DHRSX: variants seen among roughly 807,000 people sequenced by gnomAD.
DHRSX encodes dehydrogenase/reductase X-linked.
Under a neutral mutation model 34.0 loss-of-function variants are expected in DHRSX, and 31 were observed. The observed-to-expected ratio is 0.91, with a 90% CI of 0.69 to 1.23. The LOEUF (loss-of-function observed/expected upper bound fraction) is 1.23. Among genes scored for constraint, DHRSX ranks in the 50% most tolerant of loss-of-function variants. The pLI, the probability that DHRSX is intolerant of heterozygous loss-of-function variation, is 0.00. For synonymous variants in DHRSX, 201 were observed against 183.8 expected, an observed-to-expected ratio of 1.09 and a Z score of -0.76; for missense variants, 414 against 428.1, an observed-to-expected ratio of 0.97 and a Z score of 0.29.
chrX:2,387,734 C>T (rs2043287672), intron 3 of DHRSX, among the ~76,000 whole-genome samples: 1 of 151,790 alleles, frequency 6.6e-6, no homozygotes, highest in African/African-American at 2.4e-5. Flanking sequence ...CAAGTTTACT[C>T]TAAGTATTAA....
intron 4 of DHRSX, among the ~76,000 whole-genome samples, chrX:2,283,830 A>G (rs916858697): frequency 4.6e-5 from 7 of 152,176 alleles, no homozygotes; most frequent in African/African-American, 1.7e-4. Flanking sequence ...GAATTCATTC[A>G]TTCACTTGAA....
chrX:2,490,142 C>A (rs766125925), intron 1 of DHRSX: 7 of 1,613,846 alleles, frequency 4.3e-6, no homozygotes, highest in Non-Finnish European at 5.9e-6. Context: ...GATGCCACAC[C>A]AGGTGGCCTC....
chrX:2,479,084 G>A (rs1343305932), intron 1 of DHRSX, among the ~76,000 whole-genome samples: 2 of 152,080 alleles, frequency 1.3e-5, no homozygotes, highest in East Asian at 1.9e-4. Flanking sequence ...TGTTCCCTAA[G>A]CTTGTGGCTA....
chrX:2,304,269 G>A (rs750476809), intron 3 of DHRSX, among the ~76,000 whole-genome samples: 2 of 81,840 alleles, frequency 2.4e-5, no homozygotes, highest in Non-Finnish European at 4.5e-5. Flanking sequence ...GGGTGGGTGG[G>A]TGGATGGATG....
intron 4 of DHRSX, among the ~76,000 whole-genome samples, chrX:2,289,778 A>G (rs2041845486): frequency 6.6e-6 from 1 of 152,196 alleles, no homozygotes; most frequent in African/African-American, 2.4e-5. Flanking sequence ...GAAGATTCCA[A>G]ATGGCTGCTG....
Position 2,362,386 on chromosome X carries a change from C to A in DHRSX, c.286+46359G>T, listed in dbSNP as rs777580436. Among the ~76,000 whole-genome samples the A allele has an allele frequency of 1.4e-4, 22 of 152,242 alleles. No homozygotes were observed. The South Asian group carries it at 4.4e-3, about 30-fold the overall frequency. On this transcript the variant is annotated intron_variant, in intron 3 of 6. Coordinates refer to ENST00000334651, the MANE Select transcript of DHRSX (RefSeq NM_145177.3). Reference sequence around the variant, plus strand: ...TGTGATCTTGGCTCACTGCAACCTCCGCCTCCCGGGTTCAAGCAATTCTTC... The same window carrying A: ...TGTGATCTTGGCTCACTGCAACCTCAGCCTCCCGGGTTCAAGCAATTCTTC...
chrX:2,312,595 G>A (rs2042176670), intron 3 of DHRSX, among the ~76,000 whole-genome samples: 3 of 151,912 alleles, frequency 2.0e-5, no homozygotes, highest in Non-Finnish European at 4.4e-5. Flanking sequence ...ACTAGGGGAG[G>A]GAGAGCATTA....
intron 1 of DHRSX, among the ~76,000 whole-genome samples, chrX:2,459,247 T>G (rs951002427): frequency 4.5e-4 from 68 of 152,044 alleles, no homozygotes; most frequent in Non-Finnish European, 9.0e-4. Context: ...ACATTGCATC[T>G]TTCAAAATGA....
At chrX:2,229,836 T>TAC (rs1748848327) in intron 6 of DHRSX, among the ~76,000 whole-genome samples, 1 of 152,104 alleles carries the variant, frequency 6.6e-6, no homozygotes, top group Non-Finnish European at 1.5e-5. Flanking sequence ...CATGTGAATG[T>TAC]GTACTTGAGG....
At chrX:2,300,688 T>G (rs746042739) in intron 3 of DHRSX, among the ~76,000 whole-genome samples, 1 of 152,336 alleles carries the variant, frequency 6.6e-6, no homozygotes, top group Admixed American at 6.5e-5. Context: ...GCACTCGGGC[T>G]GGCTTCCTTG....
intron 3 of DHRSX, among the ~76,000 whole-genome samples, chrX:2,315,925 G>A (rs1344794556): frequency 2.0e-5 from 3 of 152,026 alleles, no homozygotes; most frequent in Non-Finnish European, 4.4e-5. Context: ...GCAGTTTCGC[G>A]ATCTCAGCTC....
chrX:2,498,489 C>A (rs777893111), intron 1 of DHRSX, among the ~76,000 whole-genome samples: 1 of 152,262 alleles, frequency 6.6e-6, no homozygotes, highest in South Asian at 2.1e-4. Flanking sequence ...TGAGGGCAAG[C>A]CACTTAAGTT....
At chrX:2,345,126 C>G (rs1215976682) in intron 3 of DHRSX, among the ~76,000 whole-genome samples, 2 of 151,836 alleles carry the variant, frequency 1.3e-5, no homozygotes, top group African/African-American at 4.8e-5. Flanking sequence ...TCTTGAAATA[C>G]TGCCCAACTT....
At chrX:2,488,315 C>T in intron 1 of DHRSX, 1 of 300,192 alleles carries the variant, frequency 3.3e-6, no homozygotes. Flanking sequence ...GCTGGGATTA[C>T]AGGCACATGC....
chrX:2,389,935 C>T (rs1470975208), intron 3 of DHRSX, among the ~76,000 whole-genome samples: 1 of 152,000 alleles, frequency 6.6e-6, no homozygotes, highest in African/African-American at 2.4e-5. Flanking sequence ...CTTGAGCCAC[C>T]ATGCCAGGCT....
intron 3 of DHRSX, among the ~76,000 whole-genome samples, chrX:2,382,041 G>A (rs1226941131): frequency 6.6e-6 from 1 of 152,172 alleles, no homozygotes; most frequent in Non-Finnish European, 1.5e-5. Context: ...CCTGCATAGT[G>A]CAAAACATGG....
chrX:2,361,257 C>G lies in DHRSX; in HGVS notation c.286+47488G>C, dbSNP rs1278059419. Among the ~76,000 whole-genome samples the G allele has an allele frequency of 7.2e-5, 11 of 152,004 alleles. No individual in the cohort carries two copies. In the South Asian group the frequency reaches 1.9e-3, roughly 26 times the overall value. ...TCCTGAGTAGCTGGGACTACAGGCG[C>G]CCACCACCACACCCAATTTTTGTAT... On this transcript the variant is annotated intron_variant, in intron 3 of 6. Transcript: ENST00000334651.
chrX:2,285,899 G>A (rs2041799254), intron 4 of DHRSX, among the ~76,000 whole-genome samples: 3 of 151,916 alleles, frequency 2.0e-5, no homozygotes, highest in Admixed American at 2.0e-4. Flanking sequence ...CACACCAGCT[G>A]GTGATGAACC....
chrX:2,394,573 G>C (rs1240891563), intron 3 of DHRSX, among the ~76,000 whole-genome samples: 3 of 152,146 alleles, frequency 2.0e-5, no homozygotes, highest in Admixed American at 1.3e-4. Context: ...ATGAGGATAA[G>C]AGTTGGAGTT....
Sources: gnomAD v4.1 joint callset for allele counts (sites outside exome capture counted in the v4.1 genomes callset) on GRCh38, gnomAD v4.1.1 for gene constraint, MANE v1.5 for transcripts, NCBI Gene and HGNC (gene_info 2026-07-23, HGNC 2026-07-21) for gene names.